ADAMTS17: variants seen among roughly 807,000 people sequenced by gnomAD.
ADAMTS17 encodes ADAM metallopeptidase with thrombospondin type 1 motif 17, also known as A disintegrin and metalloproteinase with thrombospondin motifs 17.
In ADAMTS17, 113 loss-of-function variants were observed where a neutral mutation model predicts 141.5. The ratio of observed to expected loss-of-function variants is 0.80; its 90% CI spans 0.69 to 0.93. The LOEUF (loss-of-function observed/expected upper bound fraction) is 0.93, where lower values mean the gene tolerates loss of function less well. ADAMTS17 is among the 40% of genes least tolerant of loss of function. ADAMTS17 has a pLI of 0.00. For synonymous variants in ADAMTS17, 768 were observed against 630.6 expected, an observed-to-expected ratio of 1.22 and a Z score of -3.27; for missense variants, 1,659 against 1,517.9, an observed-to-expected ratio of 1.09 and a Z score of -1.54.
chr15:100,004,809 T>C (rs536285719), intron 18 of ADAMTS17, among the ~76,000 whole-genome samples: 3 of 152,234 alleles, frequency 2.0e-5, no homozygotes, highest in African/African-American at 7.2e-5. Context: ...TTAGTAGAGA[T>C]GGGGTTTTCC....
At chr15:100,306,476 C>G (rs1019619802) in intron 3 of ADAMTS17, 1 of 456,016 alleles carries the variant, frequency 2.2e-6, no homozygotes, top group Non-Finnish European at 4.4e-6. Flanking sequence ...TCCTTGTCTT[C>G]AAGTCATCCA....
In ADAMTS17 at chr15:100,218,402, C is replaced by T. The variant is rs150818006; in HGVS notation, c.1076-18979G>A. ...ATTCCAACTCAATAAAAACCAAACA[C>T]AATTTTTGAATGGGCAAATGATCTA... On this transcript the variant is annotated intron_variant, in intron 7 of 21. Transcript: ENST00000268070. 7.9e-5 allele frequency among the ~76,000 whole-genome samples: 12 copies of T among 152,266 alleles called. No individual in the cohort carries two copies. The East Asian group carries it at 2.3e-3, about 29-fold the overall frequency.
intron 8 of ADAMTS17, among the ~76,000 whole-genome samples, chr15:100,170,426 G>T (rs1035417930): frequency 6.6e-6 from 1 of 152,156 alleles, no homozygotes; most frequent in Non-Finnish European, 1.5e-5. Flanking sequence ...CCCTCAGCAC[G>T]CAGGGACTCC....
intron 8 of ADAMTS17, among the ~76,000 whole-genome samples, chr15:100,189,300 G>A (rs1567323620): frequency 6.6e-6 from 1 of 152,216 alleles, no homozygotes; most frequent in East Asian, 1.9e-4. Flanking sequence ...GCTCAACTGG[G>A]GGACGGTATA....
At chr15:100,199,448 C>A in intron 7 of ADAMTS17, 25 bp from the exon 8 acceptor site, 1 of 1,603,000 alleles carries the variant, frequency 6.2e-7, no homozygotes, top group Non-Finnish European at 8.5e-7. Flanking sequence ...CAAAACACAT[C>A]CTCTTCAGAA....
chr15:100,234,076 G>A (rs2042577261), intron 7 of ADAMTS17, among the ~76,000 whole-genome samples: 1 of 152,210 alleles, frequency 6.6e-6, no homozygotes, highest in Admixed American at 6.5e-5. Flanking sequence ...CCGTGGCAGG[G>A]AGGAGACCCA....
At chr15:100,257,724 G>T (rs2043374398) in intron 6 of ADAMTS17, among the ~76,000 whole-genome samples, 1 of 152,220 alleles carries the variant, frequency 6.6e-6, no homozygotes, top group African/African-American at 2.4e-5. Context: ...AGTTAAAACA[G>T]AACATTTTTA....
intron 8 of ADAMTS17, among the ~76,000 whole-genome samples, chr15:100,170,060 G>A (rs1021181001): frequency 2.6e-5 from 4 of 151,994 alleles, no homozygotes; most frequent in African/African-American, 7.3e-5. Flanking sequence ...ATACACCCGA[G>A]GCTAGAAGAG....
chr15:100,238,945 G>T (rs34329711), intron 7 of ADAMTS17, among the ~76,000 whole-genome samples: 9 of 152,068 alleles, frequency 5.9e-5, no homozygotes, highest in African/African-American at 2.2e-4. Flanking sequence ...ACAAAAGTTA[G>T]CCAGGCGTAG....
chr15:100,340,624 A>G (rs1211297159), intron 2 of ADAMTS17, among the ~76,000 whole-genome samples: 2 of 152,108 alleles, frequency 1.3e-5, no homozygotes, highest in African/African-American at 4.8e-5. Flanking sequence ...CCAAGAACAT[A>G]ACACCTACAC....
intron 2 of ADAMTS17, among the ~76,000 whole-genome samples, chr15:100,333,020 GCATGCCAC>G (rs986260731): frequency 6.6e-6 from 1 of 152,144 alleles, no homozygotes; most frequent in Non-Finnish European, 1.5e-5. Flanking sequence ...GCCATTGTCA[GCATGCCAC>G]CAGTGGTCAA....
At chr15:100,200,984 T>A (rs192625337) in intron 7 of ADAMTS17, among the ~76,000 whole-genome samples, 1 of 152,302 alleles carries the variant, frequency 6.6e-6, no homozygotes, top group Admixed American at 6.5e-5. Flanking sequence ...CTGAGGTGTC[T>A]CAGGAGGGAA....
intron 15 of ADAMTS17, among the ~76,000 whole-genome samples, chr15:100,081,450 A>G (rs963780000): frequency 6.6e-6 from 1 of 152,250 alleles, no homozygotes; most frequent in African/African-American, 2.4e-5. Flanking sequence ...ACATGGCTGC[A>G]TGACCTTGTG....
intron 3 of ADAMTS17, among the ~76,000 whole-genome samples, chr15:100,328,928 G>A (rs1477789817): frequency 1.3e-5 from 2 of 152,116 alleles, no homozygotes; most frequent in Non-Finnish European, 2.9e-5. Flanking sequence ...GCTTGAAGGT[G>A]CTCAAATGGG....
chr15:100,285,570 T>C (rs116997991), intron 3 of ADAMTS17, among the ~76,000 whole-genome samples: 1,700 of 152,334 alleles, frequency 0.011, 15 homozygotes, highest in Non-Finnish European at 0.017. Flanking sequence ...AAGAAGAATC[T>C]CTGCATCTCA....
At chr15:100,022,002 G>A (rs139109674) in intron 18 of ADAMTS17, among the ~76,000 whole-genome samples, 333 of 152,196 alleles carry the variant, frequency 2.2e-3, no homozygotes, top group African/African-American at 7.7e-3. Context: ...AGACTATCCT[G>A]ACCTTGCTAT....
chr15:100,079,926 A>C (rs1013661435), intron 15 of ADAMTS17, among the ~76,000 whole-genome samples: 2 of 152,202 alleles, frequency 1.3e-5, no homozygotes, highest in Non-Finnish European at 2.9e-5. Flanking sequence ...AAGAGGCTGC[A>C]AAGAACGGTG....
intron 14 of ADAMTS17, among the ~76,000 whole-genome samples, chr15:100,099,940 G>A (rs901836253): frequency 6.6e-6 from 1 of 152,178 alleles, no homozygotes; most frequent in Non-Finnish European, 1.5e-5. Context: ...ATTCCACCCT[G>A]GAACTTTGCC....
intron 3 of ADAMTS17, among the ~76,000 whole-genome samples, chr15:100,310,000 G>A (rs979662431): frequency 1.3e-5 from 2 of 152,346 alleles, no homozygotes; most frequent in Non-Finnish European, 2.9e-5. Flanking sequence ...AATGTGCCCC[G>A]AGGGATGCAC....
Sources: gnomAD v4.1 joint callset for allele counts (sites outside exome capture counted in the v4.1 genomes callset) on GRCh38, gnomAD v4.1.1 for gene constraint, MANE v1.5 for transcripts, NCBI Gene and HGNC (gene_info 2026-07-23, HGNC 2026-07-21) for gene names.